Variants in LZTFL1 observed in about 807,000 individuals in gnomAD.
The protein encoded by LZTFL1 is leucine zipper transcription factor like 1, also known as leucine zipper transcription factor-like protein 1.
Under a neutral mutation model 45.9 loss-of-function variants are expected in LZTFL1, and 25 were observed. That is an observed-to-expected ratio of 0.54 (90% confidence interval 0.40 to 0.76). LZTFL1 has a LOEUF of 0.76. Ranked by LOEUF, LZTFL1 falls within the 30% of genes least tolerant of loss-of-function variation. The probability of loss-of-function intolerance (pLI) is 0.00; values close to 1 mark genes in which losing one functional copy is unlikely to be tolerated. For synonymous variants in LZTFL1, 93 were observed against 117.4 expected (o/e 0.79, Z 1.35); for missense variants, 277 against 331.1 (o/e 0.84, Z 1.27).
At chr3:45,898,610 G>A (rs1426605065) in intron 2 of LZTFL1, among the ~76,000 whole-genome samples, 1 of 152,178 alleles carries the variant, frequency 6.6e-6, no homozygotes, top group East Asian at 1.9e-4. Flanking sequence ...ATGGAGTCAG[G>A]ACTAGATGTC....
Position 45,901,635 on chromosome 3 carries a change from G to A in LZTFL1, c.-215+11485C>T. 3 of 1,614,184 alleles carry A rather than the reference G, an allele frequency of 1.9e-6. No individual in the cohort carries two copies. The highest frequency in any genetic ancestry group is 2.7e-5 in the African/African-American group (2 of 75,050). The stretch of plus-strand genomic sequence containing the variant: ...GTTGGTGCAGACCATTGACGCCTAT[G>A]CCATGTTCATCTCCAACTGTGCCGT... On this transcript the variant is annotated intron_variant, in intron 2 of 4. Transcript: ENST00000472635. The surrounding 1 kb of genome is among the most constrained non-coding windows in gnomAD (Gnocchi z 4.3).
intron 4 of LZTFL1, among the ~76,000 whole-genome samples, chr3:45,848,757 A>G (rs544556433): frequency 6.6e-6 from 1 of 152,164 alleles, no homozygotes; most frequent in Non-Finnish European, 1.5e-5. Context: ...TTCTGTTCAT[A>G]AGTTTTGATA....
At chr3:45,894,927 A>AC in intron 2 of LZTFL1, 1 of 1,614,002 alleles carries the variant, frequency 6.2e-7, no homozygotes, top group South Asian at 1.1e-5. Flanking sequence ...CATCTGACTG[A>AC]CCCACCATGA....
At position 45,833,077 on chromosome 3, in the gene LZTFL1, T is replaced by C. The variant is rs1198755671; in HGVS notation, c.429A>G (p.Glu143=). ...VTKPKLAPLN[E]GGTAELLNKE... is the part of the protein sequence containing the mutation. ...TGTTTAGGAGTTCTGCTGTTCCACC[T>C]TCATTAAGTGGAGCAAGTTTTGGCT... The change falls in exon 5 of 10, where the codon GAA becomes GAG. Residue 143 remains glutamate, a synonymous_variant. Coordinates refer to ENST00000296135, the MANE Select transcript of LZTFL1 (RefSeq NM_020347.4). The C allele has an allele frequency of 1.2e-6, 2 of 1,613,644 alleles. No individual in the cohort carries two copies. Among genetic ancestry groups the C allele is most frequent in the Admixed American group, 3.3e-5 (2 of 60,014 alleles).
chr3:45,882,095 G>A (rs1269588638), intron 2 of LZTFL1, among the ~76,000 whole-genome samples: 1 of 152,180 alleles, frequency 6.6e-6, no homozygotes, highest in Non-Finnish European at 1.5e-5. Flanking sequence ...CTATTAGATG[G>A]CTCTATTCTA....
chr3:45,838,626 C>T (rs1270448144), intron 1 of LZTFL1, among the ~76,000 whole-genome samples: 2 of 152,242 alleles, frequency 1.3e-5, no homozygotes, highest in African/African-American at 4.8e-5. Flanking sequence ...GAAAGAACCA[C>T]TAACTGGTCT....
intron 2 of LZTFL1, among the ~76,000 whole-genome samples, chr3:45,881,361 GT>G (rs1701856697): frequency 1.3e-5 from 2 of 152,260 alleles, no homozygotes; most frequent in South Asian, 4.1e-4. Context: ...AGATACCCAA[GT>G]CTTCCCACAG....
At chr3:45,905,235 A>G (rs1702658056) in intron 2 of LZTFL1, among the ~76,000 whole-genome samples, 1 of 152,146 alleles carries the variant, frequency 6.6e-6, no homozygotes, top group South Asian at 2.1e-4. Context: ...CTTCTGCAAT[A>G]AAGTCTCTCT....
At position 45,827,533 on chromosome 3, in the gene LZTFL1, T is replaced by C. The variant is rs576283913; in HGVS notation, c.778-74A>G. ...AGAGATAACAAATGCGATAAAAATA[T>C]GTAGTTTTTTTTGCTTGAATTTTAC... On this transcript the variant is annotated intron_variant, in intron 8 of 9. Coordinates refer to ENST00000296135, the MANE Select transcript of LZTFL1 (RefSeq NM_020347.4). The C allele has an allele frequency of 4.5e-5, 42 of 929,162 alleles. No homozygotes were observed. The East Asian group carries it at 7.7e-4, about 17-fold the overall frequency. The allele number at this position is 929,162 out of a possible 1,614,324, so 57.6% of individuals were successfully genotyped here.
upstream of LZTFL1, among the ~76,000 whole-genome samples, chr3:45,844,646 A>G (rs1701189706): frequency 6.6e-6 from 1 of 152,168 alleles, no homozygotes; most frequent in Non-Finnish European, 1.5e-5. Context: ...GTTCTCTTCA[A>G]CTTCCCCATC....
chr3:45,865,025 G>A (rs185990213), intron 2 of LZTFL1, among the ~76,000 whole-genome samples: 13 of 152,264 alleles, frequency 8.5e-5, no homozygotes, highest in Non-Finnish European at 1.3e-4. Flanking sequence ...AGCATAAACC[G>A]AATGTGATGG....
chr3:45,897,742 C>T (rs551673028), intron 2 of LZTFL1: 2 of 654,894 alleles, frequency 3.1e-6, no homozygotes, highest in Non-Finnish European at 5.1e-6. Context: ...AGCATGCCCT[C>T]TTTCCTCCCT....
At chr3:45,869,068 A>G (rs1462628607) in intron 2 of LZTFL1, among the ~76,000 whole-genome samples, 3 of 152,254 alleles carry the variant, frequency 2.0e-5, no homozygotes, top group Non-Finnish European at 2.9e-5. Flanking sequence ...GAGAAGGCAG[A>G]GTGTCCCTCA....
intron 3 of LZTFL1, among the ~76,000 whole-genome samples, chr3:45,856,358 T>A (rs939114199): frequency 2.6e-5 from 4 of 152,148 alleles, no homozygotes; most frequent in Non-Finnish European, 4.4e-5. Flanking sequence ...CTGAATCCCT[T>A]CCTTACACCT....
At chr3:45,856,943 A>C (rs1701403166) in intron 3 of LZTFL1, among the ~76,000 whole-genome samples, 1 of 152,202 alleles carries the variant, frequency 6.6e-6, no homozygotes, top group Non-Finnish European at 1.5e-5. Context: ...TAGTTCAATC[A>C]TTGTGGAAGA....
intron 2 of LZTFL1, among the ~76,000 whole-genome samples, chr3:45,860,905 G>C (rs1244570038): frequency 6.6e-6 from 1 of 152,242 alleles, no homozygotes; most frequent in East Asian, 1.9e-4. Context: ...GAGATTTTCT[G>C]CTGAAATCTT....
At chr3:45,843,381 C>A (rs1701164251), upstream of LZTFL1, among the ~76,000 whole-genome samples, 1 of 152,166 alleles carries the variant, frequency 6.6e-6, no homozygotes, top group South Asian at 2.1e-4. Context: ...CCTCTGTAGA[C>A]ATTCGTTGTG....
At chr3:45,880,517 C>T (rs767368631) in intron 2 of LZTFL1, among the ~76,000 whole-genome samples, 9 of 151,940 alleles carry the variant, frequency 5.9e-5, no homozygotes, top group Admixed American at 2.0e-4. Context: ...AAAAGGAAAT[C>T]GGATCGTGTT....
At chr3:45,877,486 G>A (rs988881423) in intron 2 of LZTFL1, among the ~76,000 whole-genome samples, 10 of 151,878 alleles carry the variant, frequency 6.6e-5, no homozygotes, top group East Asian at 2.0e-4. Context: ...CGCCTGCCTC[G>A]GCCCCCCAAA....
Sources: gnomAD v4.1 joint callset for allele counts (sites outside exome capture counted in the v4.1 genomes callset) on GRCh38, gnomAD v4.1.1 for gene constraint, Gnocchi (gnomAD v3.1) non-coding constraint, MANE v1.5 for transcripts, NCBI Gene and HGNC (gene_info 2026-07-23, HGNC 2026-07-21) for gene names.